The following PAX6 variants were observed in gnomAD, a reference collection of about 807,000 sequenced individuals.
PAX6 encodes paired box 6, also known as paired box protein Pax-6.
PAX6 carries 7 observed loss-of-function variants against 60.7 expected under a neutral mutation model. The ratio of observed to expected loss-of-function variants is 0.12; its 90% CI spans 0.07 to 0.22. The LOEUF (loss-of-function observed/expected upper bound fraction) is 0.22. Among genes scored for constraint, PAX6 ranks in the 10% least tolerant of loss-of-function variants. The pLI, the probability that PAX6 is intolerant of heterozygous loss-of-function variation, is 1.00. For missense variants in PAX6, 355 were observed against 555.2 expected (o/e 0.64, Z 3.62); for synonymous variants, 208 against 201.2 (o/e 1.03, Z -0.29).
At chr11:31,813,388 G>A (rs1435970454), upstream of PAX6, among the ~76,000 whole-genome samples, 9 of 97,452 alleles carry the variant, frequency 9.2e-5, no homozygotes, top group Non-Finnish European at 1.8e-4. Context: ...TTGCGGGGGG[G>A]CGGGGGGGGG....
intron 5 of PAX6, chr11:31,802,201 C>A: frequency 2.3e-6 from 1 of 432,866 alleles, no homozygotes; most frequent in Non-Finnish European, 4.1e-6. Flanking sequence ...TTTACTTCTT[C>A]TTCTTTAAAA....
In PAX6 at chr11:31,810,865, T is replaced by C. The variant is rs1310370878; in HGVS notation, c.-166A>G. ...TCCTTTCTGGTTGTCACAGCTTCTGTCAAGAGTTTTGTTTGGTTGGGGTTT... is the reference window on the plus strand; with the variant it reads ...TCCTTTCTGGTTGTCACAGCTTCTGCCAAGAGTTTTGTTTGGTTGGGGTTT... On this transcript the variant is annotated 5_prime_UTR_variant, in exon 2 of 14. Coordinates refer to ENST00000640368, the MANE Select transcript of PAX6 (RefSeq NM_001368894.2). The C allele has an allele frequency of 2.5e-6, 1 of 399,074 alleles. No individual in the cohort carries two copies. Among genetic ancestry groups the C allele is most frequent in the Non-Finnish European group, 4.4e-6 (1 of 226,144 alleles). 24.7% of individuals were successfully genotyped at this position (399,074 alleles called of 1,614,324 possible). A position where few individuals can be genotyped will look rare whatever the true frequency, so the allele number is the denominator to read the frequency against.
At chr11:31,807,212 G>A (rs995972419) in intron 2 of PAX6, 1 of 152,550 alleles carries the variant, frequency 6.6e-6, no homozygotes, top group African/African-American at 2.4e-5. Flanking sequence ...AAAGGGGAAG[G>A]GGGAAACAGG....
At chr11:31,815,149 C>T (rs932770904), upstream of PAX6, among the ~76,000 whole-genome samples, 2 of 152,184 alleles carry the variant, frequency 1.3e-5, no homozygotes, top group African/African-American at 4.8e-5. Flanking sequence ...AAGGCTTTGC[C>T]TCCCAGTCCC....
In PAX6 at chr11:31,794,685, C is replaced by T. The variant is rs1372684102; in HGVS notation, c.669G>A (p.Lys223=). Residue 223 remains lysine, a synonymous_variant, in exon 9 of 14, where the codon AAG becomes AAA. Transcript: ENST00000640368. ...TAAAGGATGTTCTATTTCTTTGCAG[C>T]TTCCGCTTCAGCTGAAGTCGCATTT... The part of the protein sequence containing the change: ...EAQMRLQLKR[K]LQRNRTSFTQ... The T allele has an allele frequency of 1.2e-6, 2 of 1,614,208 alleles. No homozygotes were observed. The highest frequency in any genetic ancestry group is 2.2e-5 in the South Asian group (2 of 91,084).
At chr11:31,809,426 A>AAAGG (rs1956573076) in intron 2 of PAX6, 1 of 152,176 alleles carries the variant, frequency 6.6e-6, no homozygotes, top group Non-Finnish European at 1.5e-5. Context: ...AGAAAAATAA[A>AAAGG]AAGGAAGAAA....
intron 9 of PAX6, 166 bp from the exon 10 acceptor site, chr11:31,794,280 A>C: frequency 1.4e-6 from 1 of 695,880 alleles, no homozygotes; most frequent in East Asian, 2.7e-5. Flanking sequence ...TCCCACCAGA[A>C]CCAAGTTAAA....
In PAX6 at chr11:31,811,283, C is replaced by A. The variant is rs1007798059; in HGVS notation, c.-485G>T. The A allele has an allele frequency of 7.5e-6, 3 of 398,802 alleles. No individual in the cohort carries two copies. Among genetic ancestry groups the A allele is most frequent in the African/African-American group, 6.2e-5 (3 of 48,642 alleles). The allele number at this position is 398,802 out of a possible 1,614,324, so 24.7% of individuals were successfully genotyped here. On this transcript the variant is annotated 5_prime_UTR_variant, in exon 1 of 14. Coordinates refer to ENST00000640368, the MANE Select transcript of PAX6 (RefSeq NM_001368894.2). ...CAGAGCGGGAAATGAGGCCGAGCCA[C>A]GGTTCCCTTTTCAAACCCACTAATC...
chr11:31,798,269 G>A (rs891115233), intron 8 of PAX6, among the ~76,000 whole-genome samples: 2 of 152,142 alleles, frequency 1.3e-5, no homozygotes, highest in Non-Finnish European at 2.9e-5. Context: ...CCACCAAATC[G>A]CCGGAGAATT....
intron 8 of PAX6, among the ~76,000 whole-genome samples, chr11:31,795,483 A>G (rs1951198061): frequency 6.6e-6 from 1 of 152,228 alleles, no homozygotes; most frequent in African/African-American, 2.4e-5. Flanking sequence ...TATTTAGATA[A>G]AAGGACTGTC....
In PAX6 at chr11:31,793,438, T is replaced by C; in HGVS notation, c.1074A>G (p.Gln358=). 6.2e-7 allele frequency: 1 copy of C among 1,613,936 alleles called. No individual in the cohort carries two copies. The highest frequency in any genetic ancestry group is 1.1e-5 in the South Asian group (1 of 91,080). Residue 358 remains glutamine, a splice_region_variant and synonymous_variant, in exon 12 of 14, where the codon CAA becomes CAG. Coordinates refer to ENST00000640368, the MANE Select transcript of PAX6 (RefSeq NM_001368894.2). ...SFTMANNLPM[Q]PPVPSQTSSY... Reference sequence around the variant, plus strand: ...GCAGGCCACCACCAGCCGCACTTACTTGCATAGGCAGGTTATTTGCCATGG... The same window carrying C: ...GCAGGCCACCACCAGCCGCACTTACCTGCATAGGCAGGTTATTTGCCATGG...
At chr11:31,794,354 C>A in intron 9 of PAX6, 2 of 608,204 alleles carry the variant, frequency 3.3e-6, no homozygotes, top group Non-Finnish European at 5.8e-6. Context: ...ATCATTTTTC[C>A]TTATAAGTCA....
At chr11:31,802,903 G>A in intron 4 of PAX6, 69 bp from the exon 5 acceptor site, 1 of 1,477,052 alleles carries the variant, frequency 6.8e-7, no homozygotes, top group Non-Finnish European at 9.4e-7. Flanking sequence ...GAAGAAGAGG[G>A]AGAAGAAGGA....
At position 31,793,422 on chromosome 11, in the gene PAX6, C is replaced by A. The variant is rs763118579; in HGVS notation, c.1074+16G>T. 1 of 1,609,812 alleles carries A rather than the reference C, an allele frequency of 6.2e-7. No individual in the cohort carries two copies. Among genetic ancestry groups the A allele is most frequent in the Non-Finnish European group, 8.5e-7 (1 of 1,176,140 alleles). ...CTGGGGCCTGGGTTATGCAGGCCAC[C>A]ACCAGCCGCACTTACTTGCATAGGC... On this transcript the variant is annotated intron_variant, in intron 12 of 13. Coordinates refer to ENST00000640368, the MANE Select transcript of PAX6 (RefSeq NM_001368894.2).
chr11:31,800,588 T>C lies in PAX6; in HGVS notation c.565+103A>G, dbSNP rs1953377741. 5 of 1,369,854 alleles carry C rather than the reference T, an allele frequency of 3.7e-6. No individual in the cohort carries two copies. The Admixed American group carries it at 5.0e-5, about 14-fold the overall frequency. The allele number at this position is 1,369,854 out of a possible 1,614,324, so 84.9% of individuals were successfully genotyped here. A position where few individuals can be genotyped will look rare whatever the true frequency, so the allele number is the denominator to read the frequency against. On this transcript the variant is annotated intron_variant, in intron 8 of 13. Coordinates refer to ENST00000640368, the MANE Select transcript of PAX6 (RefSeq NM_001368894.2). ...TTCAAATGCAGTCTCACCCATGACA[T>C]TCCCCAAGCATGGAAGCCCTGAGAG...
rs960877078 is a variant in PAX6, at chr11:31,800,956, G to A, written c.400-100C>T. 11 of 1,271,570 alleles carry A rather than the reference G, an allele frequency of 8.7e-6. No individual in the cohort carries two copies. The African/African-American group carries it at 1.5e-4, about 17-fold the overall frequency. The allele number at this position is 1,271,570 out of a possible 1,614,324, so 78.8% of individuals were successfully genotyped here. ...AACCTTAAAAAGCAACTCTCAACCC[G>A]TTAAAAAGCTCCCAGCCACCCCGGG... On this transcript the variant is annotated intron_variant, in intron 7 of 13. Transcript: ENST00000640368.
upstream of PAX6, chr11:31,812,094 TTG>T (rs1957099392): frequency 2.0e-5 from 3 of 152,230 alleles, no homozygotes; most frequent in Admixed American, 6.5e-5. Context: ...GCCACTTACT[TTG>T]TGTACAGAGG....
chr11:31,795,817 C>T (rs1300295729), intron 8 of PAX6, among the ~76,000 whole-genome samples: 7 of 152,268 alleles, frequency 4.6e-5, no homozygotes, highest in African/African-American at 1.7e-4. Context: ...ATTGCCTAAA[C>T]TCTGACTGGG....
In PAX6 at chr11:31,816,546, G is replaced by C. The variant is rs561070862; in HGVS notation, c.-317+1263C>G. 2.8e-5 allele frequency: 20 copies of C among 702,642 alleles called. No homozygotes were observed. In the African/African-American group the frequency reaches 3.0e-4, roughly 10 times the overall value. The allele number at this position is 702,642 out of a possible 1,614,324, so 43.5% of individuals were successfully genotyped here. On this transcript the variant is annotated intron_variant, in intron 1 of 12. Transcript: ENST00000241001. ...GATGGCTGGGTTTGATTTATGACTG[G>C]AGGAGAAGGTCCACTTCCCACTGCG...
Sources: allele counts gnomAD v4.1 joint callset (sites outside exome capture counted in the v4.1 genomes callset), GRCh38; gene constraint gnomAD v4.1.1; transcripts MANE v1.5; gene names NCBI Gene and HGNC (gene_info 2026-07-23, HGNC 2026-07-21).